EPHA6: variants seen among roughly 807,000 people sequenced by gnomAD.
EPHA6 encodes the protein ephrin type-A receptor 6.
EPHA6 carries 50 observed loss-of-function variants against 112.0 expected under a neutral mutation model. The observed-to-expected ratio is 0.45, with a 90% confidence interval of 0.36 to 0.56. The LOEUF is 0.56. Ranked by LOEUF, EPHA6 falls within the 20% of genes least tolerant of loss-of-function variation. EPHA6 has a pLI of 0.00. For synonymous variants in EPHA6, 529 were observed against 490.7 expected (o/e 1.08, Z -1.03); for missense variants, 1,280 against 1,417.4 (o/e 0.90, Z 1.56).
chr3:97,748,867 A>G lies in EPHA6; in HGVS notation c.*166A>G, dbSNP rs1166044230. On this transcript the variant is annotated 3_prime_UTR_variant, in exon 18 of 18. Coordinates refer to ENST00000389672, the MANE Select transcript of EPHA6 (RefSeq NM_001080448.3). ...TTTATGCTTCCAACCAGGATTTTAA[A>G]ATCATGCTACATAAATCCGTTCTGA... 1 of 594,576 alleles carries G rather than the reference A, an allele frequency of 1.7e-6. No individual in the cohort carries two copies. The highest frequency in any genetic ancestry group is 3.0e-6 in the Non-Finnish European group (1 of 329,868). 36.8% of individuals were successfully genotyped at this position (594,576 alleles called of 1,614,324 possible).
chr3:97,736,055 G>C lies in EPHA6; in HGVS notation c.3065G>C (p.Ser1022Thr). 6.2e-7 allele frequency: 1 copy of C among 1,612,592 alleles called. No individual in the cohort carries two copies. Residue 1022 changes from serine (S) to threonine (T), a missense_variant, in exon 16 of 18, where the codon AGC becomes ACC. Transcript: ENST00000389672. ...AGACCAAAATTTACTGACATTGTCA[G>C]CTTCCTTGACAAACTGATCCGAAAT... is the stretch of plus-strand genomic sequence containing the variant. Reference protein sequence around the residue: ...NHRPKFTDIVSFLDKLIRNPS... With the variant: ...NHRPKFTDIVTFLDKLIRNPS...
intron 10 of EPHA6, among the ~76,000 whole-genome samples, chr3:97,500,867 G>A (rs2107554346): frequency 6.6e-6 from 1 of 152,156 alleles, no homozygotes; most frequent in Admixed American, 6.6e-5. Flanking sequence ...TAAAATGGTA[G>A]CTAATTCTTG....
chr3:97,232,426 G>A (rs745876919), intron 4 of EPHA6, among the ~76,000 whole-genome samples: 12 of 152,060 alleles, frequency 7.9e-5, no homozygotes, highest in Admixed American at 2.6e-4. Context: ...TCAGGTTCAC[G>A]GCTTCCATCA....
chr3:97,443,188 G>T (rs1033635536), intron 6 of EPHA6, among the ~76,000 whole-genome samples: 31 of 151,972 alleles, frequency 2.0e-4, no homozygotes, highest in African/African-American at 7.2e-4. Context: ...AGAGAGGCAG[G>T]GTGAGGAAGT....
intron 14 of EPHA6, chr3:97,646,314 A>C (rs1261465426): frequency 2.0e-6 from 3 of 1,502,050 alleles, no homozygotes; most frequent in African/African-American, 1.4e-5. Context: ...TCCAACAGTG[A>C]GTCTTTCAGA....
At chr3:97,656,644 A>G (rs2094139499) in intron 14 of EPHA6, among the ~76,000 whole-genome samples, 1 of 151,870 alleles carries the variant, frequency 6.6e-6, no homozygotes, top group African/African-American at 2.4e-5. Context: ...TGTGCTAGCT[A>G]CTTACTGATC....
Position 97,405,290 on chromosome 3 carries a change from A to T in EPHA6, c.1731+16A>T. 6.2e-7 allele frequency: 1 copy of T among 1,606,060 alleles called. No individual in the cohort carries two copies. ...CTATGAGAAAGTAGGTCTTATTTGG[A>T]GCTTCCTATAAAACTACATATATAT... On this transcript the variant is annotated intron_variant, in intron 6 of 17. Coordinates refer to ENST00000389672, the MANE Select transcript of EPHA6 (RefSeq NM_001080448.3).
At position 97,754,596 on chromosome 3, in the gene EPHA6, A is replaced by T. The variant is rs181980330; in HGVS notation, c.*5895A>T. On this transcript the variant is annotated 3_prime_UTR_variant, in exon 18 of 18. Coordinates refer to ENST00000389672, the MANE Select transcript of EPHA6 (RefSeq NM_001080448.3). ...AGGCAAAGCACTAGGAAATGAATAA[A>T]CTTTACCTTTTAAAAAGGAATCTGT... Among the ~76,000 whole-genome samples, 797 of 152,354 alleles carry T rather than the reference A, an allele frequency of 5.2e-3. 7 individuals are homozygous for T. The highest frequency in any genetic ancestry group is 0.017 in the African/African-American group (714 of 41,588).
intron 11 of EPHA6, among the ~76,000 whole-genome samples, chr3:97,540,557 T>C (rs2092834406): frequency 6.6e-6 from 1 of 152,204 alleles, no homozygotes; most frequent in African/African-American, 2.4e-5. Context: ...TTCATTCAAA[T>C]CACCTCCCTA....
At chr3:96,932,472 CTAT>C (rs1481006250) in intron 2 of EPHA6, among the ~76,000 whole-genome samples, 1 of 152,090 alleles carries the variant, frequency 6.6e-6, no homozygotes, top group Non-Finnish European at 1.5e-5. Context: ...AACTGGTTTT[CTAT>C]TATTTAACAT....
chr3:96,887,203 TCTCATTTGGGTAGG>T (rs138410857), intron 2 of EPHA6, among the ~76,000 whole-genome samples: 2,365 of 152,230 alleles, frequency 0.016, 59 homozygotes, highest in African/African-American at 0.048. Flanking sequence ...TCTGGTTCCT[TCTCATTTGGGTAGG>T]CTCTGTCAGA....
At position 97,163,024 on chromosome 3, in the gene EPHA6, G is replaced by T. The variant is rs148310297; in HGVS notation, c.1115-63240G>T. On this transcript the variant is annotated intron_variant, in intron 3 of 17. Transcript: ENST00000389672. ...TGCCCTGGAACTGATTACTTCCATTGCATTCAGGTTTCCTAATTCAGTAGC... is the reference window on the plus strand; with the variant it reads ...TGCCCTGGAACTGATTACTTCCATTTCATTCAGGTTTCCTAATTCAGTAGC... Among the ~76,000 whole-genome samples the T allele has an allele frequency of 4.9e-3, 745 of 152,188 alleles. 6 individuals are homozygous for T. The highest frequency in any genetic ancestry group is 0.016 in the African/African-American group (657 of 41,536).
At chr3:97,663,606 T>C (rs1455503555) in intron 14 of EPHA6, among the ~76,000 whole-genome samples, 2 of 151,880 alleles carry the variant, frequency 1.3e-5, no homozygotes, top group African/African-American at 4.8e-5. Flanking sequence ...GTCCTTGCAG[T>C]AGTTTGCTGA....
chr3:97,214,819 G>A (rs2077989011), intron 3 of EPHA6, among the ~76,000 whole-genome samples: 1 of 152,122 alleles, frequency 6.6e-6, no homozygotes, highest in South Asian at 2.1e-4. Context: ...CAACATATGT[G>A]TGTTTATTCA....
intron 7 of EPHA6, chr3:97,466,519 G>A: frequency 4.4e-6 from 4 of 899,014 alleles, no homozygotes; most frequent in East Asian, 2.4e-5. Context: ...TGAGGGTCGG[G>A]CCAAATCCAG....
At chr3:96,854,173 T>A (rs1426412995) in intron 1 of EPHA6, among the ~76,000 whole-genome samples, 1 of 149,878 alleles carries the variant, frequency 6.7e-6, no homozygotes, top group African/African-American at 2.5e-5. Context: ...CTCTGTTTAA[T>A]CATGACTTTT....
chr3:97,466,911 C>G (rs564167390), intron 7 of EPHA6, among the ~76,000 whole-genome samples: 1 of 152,052 alleles, frequency 6.6e-6, no homozygotes, highest in Non-Finnish European at 1.5e-5. Context: ...TGTCCAATAT[C>G]TACTTACCAT....
intron 7 of EPHA6, among the ~76,000 whole-genome samples, chr3:97,449,500 T>A (rs114056893): frequency 4.7e-4 from 72 of 152,184 alleles, no homozygotes; most frequent in African/African-American, 1.7e-3. Flanking sequence ...TTATAGTAAT[T>A]CCTTATGGAT....
chr3:97,483,575 A>T (rs1300220835), intron 9 of EPHA6, among the ~76,000 whole-genome samples: 1 of 152,190 alleles, frequency 6.6e-6, no homozygotes, highest in Non-Finnish European at 1.5e-5. Context: ...CTTGCTTTGG[A>T]GGGAGGCTTA....
Sources: allele counts gnomAD v4.1 joint callset (sites outside exome capture counted in the v4.1 genomes callset), GRCh38; gene constraint gnomAD v4.1.1; transcripts MANE v1.5; gene names NCBI Gene and HGNC (gene_info 2026-07-23, HGNC 2026-07-21).